The following FSD1L variants were observed in gnomAD, a reference collection of about 807,000 sequenced individuals.
FSD1L encodes the protein fibronectin type III and SPRY domain containing 1 like.
A neutral mutation model predicts 71.6 loss-of-function variants in FSD1L; 45 were observed. The ratio of observed to expected loss-of-function variants is 0.63; its 90% CI spans 0.49 to 0.81. The LOEUF (loss-of-function observed/expected upper bound fraction) is 0.81, where lower values mean the gene tolerates loss of function less well. Ranked by LOEUF, FSD1L falls within the 30% of genes least tolerant of loss-of-function variation. The pLI is 0.00. For synonymous variants in FSD1L, 197 were observed against 207.2 expected (o/e 0.95, Z 0.42); for missense variants, 561 against 618.1 (o/e 0.91, Z 0.98).
chr9:105,468,225 T>TG lies in FSD1L; in HGVS notation c.241dup (p.Glu81GlyfsTer4). 2 of 1,438,092 alleles carry TG rather than the reference T, an allele frequency of 1.4e-6. No homozygotes were observed. Among genetic ancestry groups the TG allele is most frequent in the African/African-American group, 3.0e-5 (2 of 66,400 alleles). 89.1% of individuals were successfully genotyped at this position (1,438,092 alleles called of 1,614,324 possible). ...CGTCCAACATACTCTCAGAGTTAGA[T>TG]GAAGAATTTGATAGTTTATACTCTA... On this transcript the variant is annotated frameshift_variant, in exon 4 of 14. Coordinates refer to ENST00000481272, the MANE Select transcript of FSD1L (RefSeq NM_001145313.3). LOFTEE classifies it high-confidence loss of function.
chr9:105,533,734 T>C (rs1270740484), intron 10 of FSD1L, among the ~76,000 whole-genome samples: 1 of 151,502 alleles, frequency 6.6e-6, no homozygotes, highest in Non-Finnish European at 1.5e-5. Flanking sequence ...CCGTCCCTTT[T>C]TTTTTAAGAC....
intron 4 of FSD1L, among the ~76,000 whole-genome samples, chr9:105,471,373 GT>G (rs1831446169): frequency 6.6e-6 from 1 of 151,948 alleles, no homozygotes. Context: ...TGGACAGTTT[GT>G]TCTTCTGGCA....
intron 7 of FSD1L, among the ~76,000 whole-genome samples, chr9:105,501,897 G>T (rs1833786272): frequency 6.6e-6 from 1 of 152,012 alleles, no homozygotes; most frequent in East Asian, 1.9e-4. Flanking sequence ...AGTTTTCCAG[G>T]TCAGTTAGGT....
intron 7 of FSD1L, among the ~76,000 whole-genome samples, chr9:105,495,335 T>C (rs1380332032): frequency 1.3e-5 from 2 of 152,132 alleles, no homozygotes; most frequent in Non-Finnish European, 2.9e-5. Context: ...TGGTGCGCTG[T>C]TTTTAAAGCC....
rs1026573554 is a variant in FSD1L, at chr9:105,535,212, C to T, written c.1272C>T (p.Val424=). ...CAAACACTAGTTGGTGTATCCATGT[C>T]AACAACTGGCTACAAAACACATTTG... ...GKTNTSWCIH[V]NNWLQNTFAA... is the part of the protein sequence containing the mutation. Residue 424 remains valine (V), a synonymous_variant, in exon 12 of 14, where the codon GTC becomes GTT. Transcript: ENST00000481272. 2 of 1,551,838 alleles carry T rather than the reference C, an allele frequency of 1.3e-6. No individual in the cohort carries two copies. Among genetic ancestry groups the T allele is most frequent in the South Asian group, 1.2e-5 (1 of 84,060 alleles).
intron 1 of FSD1L, among the ~76,000 whole-genome samples, chr9:105,449,533 C>CT (rs1488675124): frequency 6.6e-6 from 1 of 152,138 alleles, no homozygotes; most frequent in African/African-American, 2.4e-5. Flanking sequence ...ATGCTATTTA[C>CT]TAGCTCTGTG....
intron 7 of FSD1L, among the ~76,000 whole-genome samples, chr9:105,492,543 T>A (rs1833025557): frequency 6.6e-6 from 1 of 152,198 alleles, no homozygotes; most frequent in African/African-American, 2.4e-5. Context: ...TTCTGGTAGC[T>A]TTTGAATGTG....
chr9:105,461,505 A>G lies in FSD1L; in HGVS notation c.16-15A>G, dbSNP rs10991661. 0.13 allele frequency: 180,976 copies of G among 1,447,298 alleles called. 12,777 individuals carry two copies. Among genetic ancestry groups the G allele is most frequent in the Admixed American group, 0.28 (13,414 of 48,682 alleles). The allele number at this position is 1,447,298 out of a possible 1,614,324, so 89.7% of individuals were successfully genotyped here. ...TGTGGCTGCTATTGGCTCCTACTGT[A>G]TTTATATTGGACAGTACTGCTTTAA... On this transcript the variant is annotated splice_polypyrimidine_tract_variant and intron_variant, in intron 1 of 13. Transcript: ENST00000481272.
chr9:105,480,869 T>C (rs143908236), intron 6 of FSD1L, among the ~76,000 whole-genome samples: 4 of 152,294 alleles, frequency 2.6e-5, no homozygotes, highest in African/African-American at 9.6e-5. Flanking sequence ...TAGTTCCTAA[T>C]TTTCTGAATT....
At chr9:105,527,744 A>T (rs1317212148) in intron 10 of FSD1L, among the ~76,000 whole-genome samples, 2 of 151,992 alleles carry the variant, frequency 1.3e-5, no homozygotes, top group Non-Finnish European at 2.9e-5. Flanking sequence ...CAAGACAAGG[A>T]TGCCCTCTCT....
chr9:105,489,968 T>A (rs993599325), intron 7 of FSD1L, among the ~76,000 whole-genome samples: 1 of 152,172 alleles, frequency 6.6e-6, no homozygotes, highest in African/African-American at 2.4e-5. Flanking sequence ...TAAACATACG[T>A]GTGCATGTGT....
chr9:105,467,336 A>G (rs963228264), intron 3 of FSD1L, among the ~76,000 whole-genome samples: 7 of 152,340 alleles, frequency 4.6e-5, no homozygotes, highest in Non-Finnish European at 8.8e-5. Flanking sequence ...TCTTAATTGA[A>G]TGATTCATCC....
At chr9:105,461,083 A>G (rs896775093) in intron 1 of FSD1L, among the ~76,000 whole-genome samples, 2 of 152,390 alleles carry the variant, frequency 1.3e-5, no homozygotes, top group East Asian at 1.9e-4. Flanking sequence ...ACATAAGCAC[A>G]TAAAGAAATT....
At chr9:105,483,910 C>T (rs1405536729) in intron 6 of FSD1L, among the ~76,000 whole-genome samples, 4 of 152,096 alleles carry the variant, frequency 2.6e-5, no homozygotes, top group Non-Finnish European at 5.9e-5. Flanking sequence ...TACCTCTACT[C>T]TTATTTGAGG....
intron 1 of FSD1L, among the ~76,000 whole-genome samples, chr9:105,448,733 C>G (rs1279439165): frequency 6.6e-6 from 1 of 152,188 alleles, no homozygotes; most frequent in African/African-American, 2.4e-5. Flanking sequence ...GTACCGCCCA[C>G]CGCTCCCCTT....
At chr9:105,513,665 A>G in intron 10 of FSD1L, 1 of 1,480,574 alleles carries the variant, frequency 6.8e-7, no homozygotes. Flanking sequence ...TCTAGGACTT[A>G]GTAAAATCTA....
At chr9:105,452,405 A>G (rs1830064722) in intron 1 of FSD1L, among the ~76,000 whole-genome samples, 1 of 152,176 alleles carries the variant, frequency 6.6e-6, no homozygotes, top group African/African-American at 2.4e-5. Flanking sequence ...AAGCCCAGAG[A>G]GGTTAAGTGT....
chr9:105,447,578 C>T (rs1163933146), upstream of FSD1L, among the ~76,000 whole-genome samples: 1 of 151,894 alleles, frequency 6.6e-6, no homozygotes, highest in Non-Finnish European at 1.5e-5. Flanking sequence ...CCCACGTTTC[C>T]GCCACTCTCA....
upstream of FSD1L, among the ~76,000 whole-genome samples, chr9:105,447,329 A>AC (rs1195207124): frequency 5.5e-4 from 49 of 89,086 alleles, no homozygotes; most frequent in Non-Finnish European, 1.1e-3. Context: ...ATCTCCAAAA[A>AC]AAAAAAAAAA....
Sources: gnomAD v4.1 joint callset for allele counts (sites outside exome capture counted in the v4.1 genomes callset) on GRCh38, gnomAD v4.1.1 for gene constraint, MANE v1.5 for transcripts, NCBI Gene and HGNC (gene_info 2026-07-23, HGNC 2026-07-21) for gene names.